The following CCSER1 variants were observed in gnomAD, a reference collection of about 807,000 sequenced individuals.
CCSER1 encodes the protein serine-rich coiled-coil domain-containing protein 1.
A neutral mutation model predicts 82.0 loss-of-function variants in CCSER1; 41 were observed. The ratio of observed to expected loss-of-function variants is 0.50; its 90% CI spans 0.39 to 0.65. The LOEUF (loss-of-function observed/expected upper bound fraction) is 0.65, where lower values mean the gene tolerates loss of function less well. Among genes scored for constraint, CCSER1 ranks in the 30% least tolerant of loss-of-function variants. The probability of loss-of-function intolerance (pLI) is 0.00; values close to 1 mark genes in which losing one functional copy is unlikely to be tolerated. For synonymous variants in CCSER1, 414 were observed against 383.9 expected (o/e 1.08, Z -0.92); for missense variants, 1,119 against 1,064.2 (o/e 1.05, Z -0.72).
At chr4:91,449,909 G>A (rs1755778618) in intron 10 of CCSER1, among the ~76,000 whole-genome samples, 1 of 152,046 alleles carries the variant, frequency 6.6e-6, no homozygotes, top group Non-Finnish European at 1.5e-5. Context: ...TTGAGGAGTT[G>A]AATTGAAAGT....
chr4:90,133,966 A>G lies in CCSER1; in HGVS notation c.-42+6135A>G, dbSNP rs187491341. 1.7e-3 allele frequency among the ~76,000 whole-genome samples: 258 copies of G among 152,290 alleles called. 2 individuals carry two copies. Among genetic ancestry groups the G allele is most frequent in the African/African-American group, 5.4e-3 (223 of 41,560 alleles). ...AAAGAAAGAAACCTTAAGAAATATT[A>G]AAAATAAGGGGAGTCTTAGAATTTT... On this transcript the variant is annotated intron_variant, in intron 1 of 10. Transcript: ENST00000509176.
chr4:90,400,319 A>G (rs1752637386), intron 4 of CCSER1, among the ~76,000 whole-genome samples, 190 bp downstream of exon 4: 1 of 152,114 alleles, frequency 6.6e-6, no homozygotes, highest in Non-Finnish European at 1.5e-5. Flanking sequence ...AAAGCCTTTT[A>G]TGGAAATATA....
At chr4:91,062,417 A>G (rs1168950306) in intron 9 of CCSER1, among the ~76,000 whole-genome samples, 1 of 152,060 alleles carries the variant, frequency 6.6e-6, no homozygotes, top group African/African-American at 2.4e-5. Context: ...CTGTCCCTGA[A>G]GGATGGTGAT....
At chr4:90,554,333 C>T (rs79709152) in intron 5 of CCSER1, among the ~76,000 whole-genome samples, 4,995 of 152,242 alleles carry the variant, frequency 0.033, 275 homozygotes, top group African/African-American at 0.11. Context: ...CACTGCACTC[C>T]AGTCCAGCCT....
chr4:91,323,448 G>A (rs753596266), intron 10 of CCSER1, among the ~76,000 whole-genome samples: 2 of 152,062 alleles, frequency 1.3e-5, no homozygotes, highest in Non-Finnish European at 2.9e-5. Flanking sequence ...ACTGAAGTAC[G>A]AAGAAACATT....
intron 10 of CCSER1, among the ~76,000 whole-genome samples, chr4:91,237,731 A>G (rs1739128006): frequency 6.6e-6 from 1 of 152,150 alleles, no homozygotes; most frequent in African/African-American, 2.4e-5. Flanking sequence ...CTGACAGAGG[A>G]GAGAGAAAGA....
intron 9 of CCSER1, among the ~76,000 whole-genome samples, chr4:90,945,138 G>GT (rs1407344810): frequency 1.3e-5 from 2 of 151,906 alleles, no homozygotes; most frequent in African/African-American, 4.8e-5. Context: ...CAGAAATTTT[G>GT]AAGGACAAAG....
At chr4:90,622,611 G>T (rs1722528466) in intron 5 of CCSER1, among the ~76,000 whole-genome samples, 1 of 152,064 alleles carries the variant, frequency 6.6e-6, no homozygotes, top group Non-Finnish European at 1.5e-5. Flanking sequence ...CCTTTGTATG[G>T]CTGCATAGTA....
chr4:90,319,443 A>G (rs925395754), intron 3 of CCSER1, among the ~76,000 whole-genome samples: 1 of 152,092 alleles, frequency 6.6e-6, no homozygotes, highest in Non-Finnish European at 1.5e-5. Context: ...TGAGGTTAGG[A>G]GATCAAGACT....
At chr4:91,500,347 G>C (rs977151019) in intron 10 of CCSER1, among the ~76,000 whole-genome samples, 20 of 151,956 alleles carry the variant, frequency 1.3e-4, no homozygotes, top group African/African-American at 2.4e-4. Flanking sequence ...TGAGTTTTAA[G>C]AGTTATTTAT....
At chr4:91,132,882 AT>A (rs1728117161) in intron 10 of CCSER1, among the ~76,000 whole-genome samples, 1 of 152,202 alleles carries the variant, frequency 6.6e-6, no homozygotes, top group Non-Finnish European at 1.5e-5. Flanking sequence ...CTTACTCTGC[AT>A]TTTCATAACG....
chr4:91,231,594 T>G (rs1738631153), intron 10 of CCSER1, among the ~76,000 whole-genome samples: 1 of 151,466 alleles, frequency 6.6e-6, no homozygotes, highest in Non-Finnish European at 1.5e-5. Flanking sequence ...TGACAGGAAA[T>G]TCAATTAAAA....
chr4:90,653,225 G>A (rs1543122), intron 6 of CCSER1, among the ~76,000 whole-genome samples: 116,863 of 152,028 alleles, frequency 0.77, 45,255 homozygotes, highest in African/African-American at 0.83. Flanking sequence ...CTCTTAAAAG[G>A]AAAACAAGTA....
intron 10 of CCSER1, among the ~76,000 whole-genome samples, chr4:91,468,503 TAAAA>T (rs574561884): frequency 1.4e-5 from 2 of 145,618 alleles, no homozygotes; most frequent in African/African-American, 5.0e-5. Context: ...AACATATAAT[TAAAA>T]AAAAAAGGAA....
At chr4:91,135,547 C>G (rs1462887250) in intron 10 of CCSER1, among the ~76,000 whole-genome samples, 1 of 152,114 alleles carries the variant, frequency 6.6e-6, no homozygotes, top group South Asian at 2.1e-4. Flanking sequence ...GCAGAGTATC[C>G]TTTTAACTTA....
chr4:90,869,897 T>C (rs1248379799), intron 8 of CCSER1, among the ~76,000 whole-genome samples: 1 of 151,928 alleles, frequency 6.6e-6, no homozygotes, highest in Non-Finnish European at 1.5e-5. Flanking sequence ...TGTTTCATAG[T>C]TTTTATTGTA....
At chr4:91,093,139 C>G (rs1724142779) in intron 10 of CCSER1, among the ~76,000 whole-genome samples, 1 of 152,226 alleles carries the variant, frequency 6.6e-6, no homozygotes, top group Non-Finnish European at 1.5e-5. Flanking sequence ...GTTCTTCCTT[C>G]TGGGCTGAAG....
intron 10 of CCSER1, among the ~76,000 whole-genome samples, chr4:91,165,948 A>G (rs1027459504): frequency 1.3e-5 from 2 of 152,192 alleles, no homozygotes; most frequent in African/African-American, 4.8e-5. Flanking sequence ...CTACTGTTCA[A>G]CCAGTCCCAG....
intron 9 of CCSER1, among the ~76,000 whole-genome samples, chr4:91,046,491 C>T (rs1581417306): frequency 6.6e-6 from 1 of 151,882 alleles, no homozygotes; most frequent in Non-Finnish European, 1.5e-5. Context: ...CTTGAAACAC[C>T]ATTTACTTTC....
Sources: gnomAD v4.1 joint callset for allele counts (sites outside exome capture counted in the v4.1 genomes callset) on GRCh38, gnomAD v4.1.1 for gene constraint, MANE v1.5 for transcripts, NCBI Gene and HGNC (gene_info 2026-07-23, HGNC 2026-07-21) for gene names.